RC3H2: variants seen among roughly 807,000 people sequenced by gnomAD.
RC3H2 encodes roquin-2.
A neutral mutation model predicts 133.3 loss-of-function variants in RC3H2; 31 were observed. The observed-to-expected ratio is 0.23, with a 90% CI of 0.17 to 0.31. The LOEUF is 0.31. Among genes scored for constraint, RC3H2 ranks in the 10% least tolerant of loss-of-function variants. The pLI is 1.00. For missense variants in RC3H2, 1,175 were observed against 1,437.2 expected (o/e 0.82, Z 2.95); for synonymous variants, 517 against 502.2 (o/e 1.03, Z -0.40).
rs201677042 is a variant in RC3H2, at chr9:122,858,064, G to A, written c.2313C>T (p.Cys771=). 1.2e-5 allele frequency: 19 copies of A among 1,614,000 alleles called. No individual in the cohort carries two copies. Among genetic ancestry groups the A allele is most frequent in the Middle Eastern group, 1.6e-4 (1 of 6,084 alleles). ...CTGGCTTTCTTCTTATCTGCTCCTC[G>A]CAACTGGTCTTCAAATGACCACAAG... The part of the protein sequence containing the change: ...REPCGHLKTS[C]EEQIRRKPDQ... Residue 771 remains cysteine (C), a synonymous_variant, in exon 13 of 21, where the codon TGC becomes TGT. Coordinates refer to ENST00000357244, the MANE Select transcript of RC3H2 (RefSeq NM_001100588.3).
Position 122,860,053 on chromosome 9 carries a change from C to A in RC3H2, c.1713G>T (p.Glu571Asp). 6.2e-7 allele frequency: 1 copy of A among 1,614,126 alleles called. No individual in the cohort carries two copies. The highest frequency in any genetic ancestry group is 8.5e-7 in the Non-Finnish European group (1 of 1,180,020). Residue 571 changes from glutamate (E) to aspartate (D), a missense_variant, in exon 11 of 21, where the codon GAG (glutamate) becomes GAT (aspartate). Physicochemically the swap from Glu to Asp is conservative, Grantham distance 45. Transcript: ENST00000357244. ...TGGATTTTTGAGGCACAGAATTCAG[C>A]TCTGTTCCAACATTAGAGGGCCCAG... The part of the protein sequence containing the change: ...TSAGPSNVGT[E>D]LNSVPQKSSP...
intron 2 of RC3H2, among the ~76,000 whole-genome samples, chr9:122,894,493 G>A (rs1364178432): frequency 6.6e-6 from 1 of 152,062 alleles, no homozygotes; most frequent in Non-Finnish European, 1.5e-5. Context: ...CAAAGATAAG[G>A]GGGACTGGAA....
intron 13 of RC3H2, 84 bp downstream of exon 13, chr9:122,857,839 T>C (rs991239056): frequency 1.6e-6 from 2 of 1,219,740 alleles, no homozygotes; most frequent in South Asian, 2.9e-5. Context: ...ATATCCAACA[T>C]AGCTATTCCT....
At position 122,858,919 on chromosome 9, in the gene RC3H2, T is replaced by C. The variant is rs780725201; in HGVS notation, c.2033A>G (p.Gln678Arg). ...TACTGGAGGAACTGGTCCATACGGCTGCGGAGGAGGAGGCTGGTAAGGAGA... is the reference window on the plus strand; with the variant it reads ...TACTGGAGGAACTGGTCCATACGGCCGCGGAGGAGGAGGCTGGTAAGGAGA... ...NSSPYQPPPP[Q>R]PYGPVPPVPS... The change falls in exon 12 of 21, where the codon CAG (glutamine) becomes CGG (arginine). Residue 678 changes from glutamine to arginine, a missense_variant. Physicochemically the swap from Gln to Arg is conservative, Grantham distance 43. Coordinates refer to ENST00000357244, the MANE Select transcript of RC3H2 (RefSeq NM_001100588.3). 1 of 1,614,192 alleles carries C rather than the reference T, an allele frequency of 6.2e-7. No individual in the cohort carries two copies. The highest frequency in any genetic ancestry group is 2.2e-5 in the East Asian group (1 of 44,888).
rs761392164 is a variant in RC3H2, at chr9:122,854,266, C to T, written c.2901G>A (p.Arg967=). Reference sequence around the variant, plus strand: ...ATAAATCAGTAACAATGAATCTGTCCCTTTAAAGAGAAATATGTTTATTGT... The same window carrying T: ...ATAAATCAGTAACAATGAATCTGTCTCTTTAAAGAGAAATATGTTTATTGT... The part of the protein sequence containing the change: ...EATSSAHYVE[R]DRFIVTDLSG... Residue 967 remains arginine (R), a splice_region_variant and synonymous_variant, in exon 17 of 21, where the codon AGG becomes AGA. Transcript: ENST00000357244. 12 of 1,606,440 alleles carry T rather than the reference C, an allele frequency of 7.5e-6. 1 individual carries two copies. The Admixed American group carries it at 1.3e-4, about 18-fold the overall frequency.
At chr9:122,866,948 A>T (rs1830708370) in intron 9 of RC3H2, among the ~76,000 whole-genome samples, 1 of 137,812 alleles carries the variant, frequency 7.3e-6, no homozygotes, top group South Asian at 2.4e-4. Flanking sequence ...CATCCCATCT[A>T]GGAAGTGAGG....
chr9:122,897,775 GTGTTC>G, intron 1 of RC3H2, 199 bp from the exon 2 acceptor site: 1 of 394,630 alleles, frequency 2.5e-6, no homozygotes, highest in African/African-American at 2.0e-5. Context: ...TACCTTAATA[GTGTTC>G]CTTTCAACTA....
Position 122,899,090 on chromosome 9 carries a change from G to GGTTTTTTTTTTTTTTTTTTTTT in RC3H2, c.-67-1515_-67-1514insAAAAAAAAAAAAAAAAAAAAAC, listed in dbSNP as rs1564322863. 3.1e-4 allele frequency among the ~76,000 whole-genome samples: 27 copies of GGTTTTTTTTTTTTTTTTTTTTT among 88,410 alleles called. 12 individuals are homozygous for GGTTTTTTTTTTTTTTTTTTTTT. The highest frequency in any genetic ancestry group is 3.8e-4 in the Non-Finnish European group (19 of 49,386). 58.0% of individuals were successfully genotyped at this position (88,410 alleles called of 152,430 possible). On this transcript the variant is annotated intron_variant, in intron 1 of 20. Transcript: ENST00000357244. ...AAAAAATTCTATTAGCCTTTATTGT[G>GGTTTTTTTTTTTTTTTTTTTTT]TTTTTTTTTTTTTTTTTTTTTTTTT...
chr9:122,905,201 C>T lies in RC3H2; in HGVS notation c.-159G>A. The T allele has an allele frequency of 1.0e-6, 1 of 985,454 alleles. No individual in the cohort carries two copies. Among genetic ancestry groups the T allele is most frequent in the African/African-American group, 1.7e-5 (1 of 57,362 alleles). 61.0% of individuals were successfully genotyped at this position (985,454 alleles called of 1,614,324 possible). ...ACGGAGGCGCCTCGTCTCGCCGGGGCAGAGCTCGGCGGAGGTTTCACGACC... is the reference window on the plus strand; with the variant it reads ...ACGGAGGCGCCTCGTCTCGCCGGGGTAGAGCTCGGCGGAGGTTTCACGACC... On this transcript the variant is annotated 5_prime_UTR_variant, in exon 1 of 21. Coordinates refer to ENST00000357244, the MANE Select transcript of RC3H2 (RefSeq NM_001100588.3).
Position 122,857,881 on chromosome 9 carries a change from T to A in RC3H2, c.2454+42A>T, listed in dbSNP as rs564907038. ...AATGAGTAATTTGAAGTCAGCTGTT[T>A]GACCTATCCCTGCAACATTAAGTAA... On this transcript the variant is annotated intron_variant, in intron 13 of 20. Coordinates refer to ENST00000357244, the MANE Select transcript of RC3H2 (RefSeq NM_001100588.3). 3 of 1,553,540 alleles carry A rather than the reference T, an allele frequency of 1.9e-6. No individual in the cohort carries two copies. In the African/African-American group the frequency reaches 4.1e-5, roughly 21 times the overall value.
At chr9:122,852,065 C>G (rs1435292607) in intron 18 of RC3H2, among the ~76,000 whole-genome samples, 1 of 151,482 alleles carries the variant, frequency 6.6e-6, no homozygotes, top group Non-Finnish European at 1.5e-5. Flanking sequence ...CGCCTCTTCC[C>G]GGCCGCCATC....
chr9:122,879,766 C>G lies in RC3H2; in HGVS notation c.1201G>C (p.Glu401Gln). Residue 401 changes from glutamate to glutamine, a missense_variant, in exon 8 of 21, where the codon GAG (glutamate) becomes CAG (glutamine). Around this residue, in one of 8 missense-constraint regions of RC3H2, gnomAD observed 131 missense variants for 154.2 expected, o/e 0.85. Transcript: ENST00000357244. ...ATAAATGTACTTACCTGAGGGGTCT[C>G]ATGGCCTTTTCTACTATAATTTTGT... The part of the protein sequence containing the change: ...FIQNYSRKGH[E>Q]TPQPQPNSKY... 6.2e-7 allele frequency: 1 copy of G among 1,606,892 alleles called. No homozygotes were observed. The highest frequency in any genetic ancestry group is 8.5e-7 in the Non-Finnish European group (1 of 1,174,774).
rs1228365891 is a variant in RC3H2, at chr9:122,865,588, T to C, written c.1395A>G (p.Val465=). The change falls in exon 10 of 21, where the codon GTA becomes GTG. Residue 465 remains valine (V), a synonymous_variant. Coordinates refer to ENST00000357244, the MANE Select transcript of RC3H2 (RefSeq NM_001100588.3). ...RTFPLLNKVG[V]NNTVTTTAGN... ...CGGCTGTGGTTGTGACAGTGTTGTT[T>C]ACACCAACTTTATTTAGAAGAGGAA... 6.2e-7 allele frequency: 1 copy of C among 1,614,188 alleles called. No individual in the cohort carries two copies. Among genetic ancestry groups the C allele is most frequent in the Non-Finnish European group, 8.5e-7 (1 of 1,180,042 alleles).
chr9:122,883,074 A>G (rs1564309092), intron 5 of RC3H2, 130 bp downstream of exon 5: 18 of 805,262 alleles, frequency 2.2e-5, no homozygotes, highest in Middle Eastern at 2.9e-4. Context: ...CAATCAATGC[A>G]GAAGGAAAGT....
chr9:122,860,215 A>G, intron 10 of RC3H2, 84 bp from the exon 11 acceptor site: 4 of 1,024,730 alleles, frequency 3.9e-6, no homozygotes, highest in Non-Finnish European at 5.9e-6. Flanking sequence ...ATAAAATTAT[A>G]TTCTGAAACC....
At chr9:122,885,088 T>C (rs2596704) in intron 4 of RC3H2, among the ~76,000 whole-genome samples, 112,383 of 152,044 alleles carry the variant, frequency 0.74, 43,683 homozygotes, top group Middle Eastern at 0.88. Context: ...ACAAATTGTA[T>C]ATAGTACTGT....
intron 2 of RC3H2, among the ~76,000 whole-genome samples, chr9:122,895,984 C>T (rs1240191418): frequency 6.7e-6 from 1 of 150,018 alleles, no homozygotes; most frequent in Non-Finnish European, 1.5e-5. Flanking sequence ...AGCACATGTT[C>T]TTTTTTTTTT....
At chr9:122,867,746 C>T (rs1361851864) in intron 9 of RC3H2, among the ~76,000 whole-genome samples, 1 of 99,644 alleles carries the variant, frequency 1.0e-5, no homozygotes, top group African/African-American at 3.9e-5. Flanking sequence ...AGCGTCTCTG[C>T]CCAGCCGCCC....
intron 2 of RC3H2, among the ~76,000 whole-genome samples, chr9:122,893,989 G>A (rs576298859): frequency 6.6e-5 from 10 of 152,236 alleles, no homozygotes; most frequent in East Asian, 1.9e-4. Context: ...GGCCAGGTGC[G>A]GTGGCTCACA....
Sources: gnomAD v4.1 joint callset for allele counts (sites outside exome capture counted in the v4.1 genomes callset) on GRCh38, gnomAD v4.1.1 for gene constraint, gnomAD v4.1.1 regional missense constraint, MANE v1.5 for transcripts, NCBI Gene and HGNC (gene_info 2026-07-23, HGNC 2026-07-21) for gene names.